AAK1: variants seen among roughly 807,000 people sequenced by gnomAD.
AAK1 encodes AP2 associated kinase 1, also known as AP2-associated protein kinase 1.
Under a neutral mutation model 116.0 loss-of-function variants are expected in AAK1, and 37 were observed. The ratio of observed to expected loss-of-function variants is 0.32; its 90% confidence interval spans 0.25 to 0.42. AAK1 has a LOEUF of 0.42. Among genes scored for constraint, AAK1 ranks in the 10% least tolerant of loss-of-function variants. The pLI is 1.00. For synonymous variants in AAK1, 458 were observed against 439.9 expected (o/e 1.04, Z -0.51); for missense variants, 919 against 1,170.6 (o/e 0.79, Z 3.14).
At chr2:69,617,939 G>A (rs1177438400) in intron 2 of AAK1, among the ~76,000 whole-genome samples, 3 of 152,142 alleles carry the variant, frequency 2.0e-5, no homozygotes, top group African/African-American at 2.4e-5. Context: ...CGAGGCTGCT[G>A]AGCAAAGATT....
At chr2:69,528,131 A>G (rs1044742003) in intron 8 of AAK1, among the ~76,000 whole-genome samples, 4 of 152,214 alleles carry the variant, frequency 2.6e-5, no homozygotes, top group African/African-American at 9.6e-5. Context: ...TAGTTAAGAG[A>G]ACAGTCTGAG....
intron 2 of AAK1, among the ~76,000 whole-genome samples, chr2:69,558,085 G>C (rs970087349): frequency 3.9e-5 from 6 of 152,196 alleles, no homozygotes; most frequent in African/African-American, 1.4e-4. Context: ...GCTCATGCCT[G>C]TAATCCCAGA....
intron 2 of AAK1, among the ~76,000 whole-genome samples, chr2:69,606,555 T>C (rs1673804595): frequency 6.6e-6 from 1 of 152,186 alleles, no homozygotes; most frequent in Non-Finnish European, 1.5e-5. Context: ...GACTCAGTGA[T>C]CTAGAACAGA....
chr2:69,536,461 T>C (rs551614342), intron 5 of AAK1, among the ~76,000 whole-genome samples: 9 of 152,194 alleles, frequency 5.9e-5, no homozygotes, highest in African/African-American at 1.4e-4. Context: ...CAGGTGTGAA[T>C]AGATTATGTG....
rs181750125 is a variant in AAK1 at position 69,608,634 on chromosome 2, A to G, written c.163+34244T>C. Reference sequence around the variant, plus strand: ...CAGCAAATTGAAGACTATACAATCAAATTGGAAAAGCGAAACAAATTCCCC... The same window carrying G: ...CAGCAAATTGAAGACTATACAATCAGATTGGAAAAGCGAAACAAATTCCCC... On this transcript the variant is annotated intron_variant, in intron 2 of 21. Transcript: ENST00000409085. 1.6e-3 allele frequency among the ~76,000 whole-genome samples: 239 copies of G among 152,382 alleles called. 8 individuals carry two copies. The East Asian group carries it at 0.025, about 16-fold the overall frequency.
chr2:69,503,250 A>G (rs556108822), intron 16 of AAK1, among the ~76,000 whole-genome samples: 177 of 152,380 alleles, frequency 1.2e-3, no homozygotes, highest in Non-Finnish European at 2.0e-3. Context: ...TAAATTTATG[A>G]GGTTAGAAAA....
Position 69,471,469 on chromosome 2 carries a change from T to C in AAK1, c.*4400A>G. On this transcript the variant is annotated 3_prime_UTR_variant, in exon 22 of 22. Transcript: ENST00000409085. ...CTTTAGAGAGGAATAAAGATAGCTT[T>C]GCAGTATCTGGAGTGTTTCAGGAAA... 2 of 985,478 alleles carry C rather than the reference T, an allele frequency of 2.0e-6. No individual in the cohort carries two copies. Among genetic ancestry groups the C allele is most frequent in the Non-Finnish European group, 2.4e-6 (2 of 829,936 alleles). 61.0% of individuals were successfully genotyped at this position (985,478 alleles called of 1,614,324 possible).
At chr2:69,540,786 C>CAA (rs766477145) in intron 5 of AAK1, among the ~76,000 whole-genome samples, 3 of 152,154 alleles carry the variant, frequency 2.0e-5, no homozygotes, top group African/African-American at 4.8e-5. Context: ...TATGTCCACA[C>CAA]AAAAACTGGT....
chr2:69,500,689 A>ATATATATATATATATATG (rs1675939183), intron 16 of AAK1, among the ~76,000 whole-genome samples: 9 of 115,942 alleles, frequency 7.8e-5, no homozygotes, highest in African/African-American at 3.3e-4. Context: ...ATATATATAT[A>ATATATATATATATATATG]TATATATATA....
At chr2:69,620,102 C>G (rs372945976) in intron 2 of AAK1, among the ~76,000 whole-genome samples, 2 of 152,168 alleles carry the variant, frequency 1.3e-5, no homozygotes, top group East Asian at 3.8e-4. Context: ...AAACAGCTGC[C>G]ATCATCCAGG....
chr2:69,590,387 G>A (rs1461697076), intron 2 of AAK1, among the ~76,000 whole-genome samples: 2 of 152,220 alleles, frequency 1.3e-5, no homozygotes, highest in African/African-American at 4.8e-5. Context: ...CCTGAGAACA[G>A]AGGAGAGCAC....
intron 2 of AAK1, among the ~76,000 whole-genome samples, chr2:69,567,313 T>C (rs1318477512): frequency 1.3e-5 from 2 of 152,190 alleles, no homozygotes; most frequent in Non-Finnish European, 2.9e-5. Context: ...CCCATATGAT[T>C]AAGTTCTTTG....
chr2:69,569,722 C>A (rs376653899), intron 2 of AAK1, among the ~76,000 whole-genome samples: 19 of 152,236 alleles, frequency 1.2e-4, no homozygotes, highest in South Asian at 8.3e-4. Context: ...TTTAGAACTT[C>A]AGAAAAATAG....
At chr2:69,524,995 A>G (rs755113392) in intron 10 of AAK1, 38 bp downstream of exon 10, 4 of 1,584,432 alleles carry the variant, frequency 2.5e-6, no homozygotes, top group Non-Finnish European at 8.7e-7. Flanking sequence ...TGCTGTGGCA[A>G]TCCAAGGAGG....
chr2:69,492,772 C>T (rs2104924260), intron 17 of AAK1, among the ~76,000 whole-genome samples: 1 of 152,064 alleles, frequency 6.6e-6, no homozygotes, highest in South Asian at 2.1e-4. Context: ...GATCCACCCG[C>T]CTCGACCTCC....
intron 2 of AAK1, among the ~76,000 whole-genome samples, chr2:69,581,506 C>T (rs187135417): frequency 1.3e-5 from 2 of 152,200 alleles, no homozygotes; most frequent in East Asian, 3.9e-4. Flanking sequence ...TCTCTAAATA[C>T]GTTTGAAAAT....
intron 12 of AAK1, 135 bp downstream of exon 12, chr2:69,518,819 T>C: frequency 7.6e-7 from 1 of 1,314,576 alleles, no homozygotes; most frequent in South Asian, 1.6e-5. Context: ...CGCTTCTCAA[T>C]GCTTTAGTAT....
At chr2:69,554,079 G>GAAA (rs945608566) in intron 3 of AAK1, among the ~76,000 whole-genome samples, 1 of 136,940 alleles carries the variant, frequency 7.3e-6, no homozygotes, top group Non-Finnish European at 1.6e-5. Flanking sequence ...TCTCAAAAGA[G>GAAA]AAAAAAAAAA....
intron 13 of AAK1, among the ~76,000 whole-genome samples, chr2:69,510,992 G>T (rs1288114754): frequency 6.6e-6 from 1 of 152,174 alleles, no homozygotes; most frequent in Non-Finnish European, 1.5e-5. Context: ...CACATGAGTG[G>T]TCCTTAAGCA....
Sources: gnomAD v4.1 joint callset for allele counts (sites outside exome capture counted in the v4.1 genomes callset) on GRCh38, gnomAD v4.1.1 for gene constraint, MANE v1.5 for transcripts, NCBI Gene and HGNC (gene_info 2026-07-23, HGNC 2026-07-21) for gene names.